ANKUB1: variants seen among roughly 807,000 people sequenced by gnomAD.
The protein encoded by ANKUB1 is protein ANKUB1.
In ANKUB1, 42 loss-of-function variants were observed where a neutral mutation model predicts 49.3. The observed-to-expected ratio is 0.85, with a 90% CI of 0.67 to 1.10. The LOEUF (loss-of-function observed/expected upper bound fraction) is 1.10, where lower values mean the gene tolerates loss of function less well. ANKUB1 is among the 50% of genes least tolerant of loss of function. The pLI, the probability that ANKUB1 is intolerant of heterozygous loss-of-function variation, is 0.00. For missense variants in ANKUB1, 613 were observed against 642.0 expected, an observed-to-expected ratio of 0.95 and a Z score of 0.49; for synonymous variants, 222 against 231.0, an observed-to-expected ratio of 0.96 and a Z score of 0.35.
At chr3:149,786,859 G>C (rs2108280580) in intron 2 of ANKUB1, among the ~76,000 whole-genome samples, 1 of 152,188 alleles carries the variant, frequency 6.6e-6, no homozygotes, top group African/African-American at 2.4e-5. Context: ...TTTTTGTCAG[G>C]TTTGTCAAAG....
chr3:149,761,733 G>T, intron 5 of ANKUB1, 120 bp from the exon 6 acceptor site: 2 of 1,064,246 alleles, frequency 1.9e-6, no homozygotes, highest in Non-Finnish European at 2.6e-6. Flanking sequence ...TTGTCACATA[G>T]GTAGATGTGA....
Position 149,767,691 on chromosome 3 carries a change from T to G in ANKUB1, c.971A>C (p.Gln324Pro), listed in dbSNP as rs1370101791. The G allele has an allele frequency of 6.4e-7, 1 of 1,551,768 alleles. No homozygotes were observed. Among genetic ancestry groups the G allele is most frequent in the Non-Finnish European group, 8.7e-7 (1 of 1,147,008 alleles). ...CTGGCTTTTATGAAGACTGTGACTC[T>G]GAGCTCTGAGGATCCATTGTTTTAT... Reference protein sequence around the residue: ...IKIKQWILRAQSHSLHKSQFC... With the variant: ...IKIKQWILRAPSHSLHKSQFC... The change falls in exon 5 of 6, where the codon CAG (glutamine) becomes CCG (proline). Residue 324 changes from glutamine to proline, a missense_variant. Physicochemically the swap from Gln to Pro is moderately conservative, Grantham distance 76. Coordinates refer to ENST00000446160, the MANE Select transcript of ANKUB1 (RefSeq NM_001144960.3).
chr3:149,784,422 G>A (rs1009302669), intron 2 of ANKUB1, among the ~76,000 whole-genome samples: 1 of 152,144 alleles, frequency 6.6e-6, no homozygotes, highest in Admixed American at 6.5e-5. Flanking sequence ...AGCCAATAAG[G>A]CAGAGAAGCA....
chr3:149,790,687 T>G, intron 2 of ANKUB1, 94 bp downstream of exon 2: 1 of 1,280,850 alleles, frequency 7.8e-7, no homozygotes, highest in Non-Finnish European at 1.1e-6. Flanking sequence ...AGACAATTTC[T>G]TTTTAAGTTA....
Position 149,787,335 on chromosome 3 carries a change from A to G in ANKUB1, c.234+3446T>C, listed in dbSNP as rs1718151717. On this transcript the variant is annotated intron_variant, in intron 2 of 5. Transcript: ENST00000446160. ...TAGGTATTTTATTCTCTTTGTAGCA[A>G]TTGTGAATGGGAATTCACTCATGAT... is the stretch of plus-strand genomic sequence containing the variant. 3.9e-5 allele frequency among the ~76,000 whole-genome samples: 6 copies of G among 152,190 alleles called. No homozygotes were observed. In the South Asian group the frequency reaches 1.2e-3, roughly 32 times the overall value.
intron 2 of ANKUB1, among the ~76,000 whole-genome samples, chr3:149,788,028 T>G (rs757259459): frequency 3.3e-5 from 5 of 152,234 alleles, no homozygotes; most frequent in African/African-American, 4.8e-5. Context: ...CTTCAGGGAT[T>G]CATTCCCTCC....
intron 1 of ANKUB1, among the ~76,000 whole-genome samples, chr3:149,791,256 T>C (rs1282637516): frequency 6.6e-6 from 1 of 152,196 alleles, no homozygotes; most frequent in Admixed American, 6.5e-5. Context: ...TCATATCACA[T>C]TATAGTTGTT....
At chr3:149,766,648 A>AG in intron 5 of ANKUB1, 1 of 509,526 alleles carries the variant, frequency 2.0e-6, no homozygotes, top group Non-Finnish European at 3.6e-6. Context: ...GAAAAAAAAA[A>AG]TCAATCAGAT....
In ANKUB1 at chr3:149,780,265, G is replaced by A; in HGVS notation, c.425C>T (p.Thr142Ile). Residue 142 changes from threonine to isoleucine, a missense_variant, in exon 3 of 6, where the codon ACC (threonine) becomes ATC (isoleucine). Thr to Ile is a moderately conservative substitution (Grantham distance 89). Coordinates refer to ENST00000446160, the MANE Select transcript of ANKUB1 (RefSeq NM_001144960.3). ...AATATCAGTCTGGTAGTCCTTGAGG[G>A]TGTTGCAATCATACATCTCCAGGCC... is the stretch of plus-strand genomic sequence containing the variant. ...PRGLEMYDCN[T>I]LKDYQTDIGT... 1.3e-6 allele frequency: 2 copies of A among 1,551,690 alleles called. No homozygotes were observed. The highest frequency in any genetic ancestry group is 2.4e-5 in the South Asian group (2 of 84,058).
chr3:149,782,006 A>G (rs1717891072), intron 2 of ANKUB1, among the ~76,000 whole-genome samples: 1 of 152,206 alleles, frequency 6.6e-6, no homozygotes, highest in Admixed American at 6.5e-5. Flanking sequence ...TGGTTCCATA[A>G]GGGAAGTATC....
chr3:149,771,892 C>A (rs1235335238), intron 3 of ANKUB1, among the ~76,000 whole-genome samples: 1 of 152,126 alleles, frequency 6.6e-6, no homozygotes, highest in Non-Finnish European at 1.5e-5. Context: ...TGCACTACAA[C>A]CCCATCATTC....
chr3:149,789,630 C>CTT lies in ANKUB1; in HGVS notation c.234+1149_234+1150dup, dbSNP rs35696242. On this transcript the variant is annotated intron_variant, in intron 2 of 5. Transcript: ENST00000446160. Reference sequence around the variant, plus strand: ...TTAATAATAAATATTGAAGAATATTCTTTTTTTTTTTTTTTCCGAGATGGG... The same window carrying CTT: ...TTAATAATAAATATTGAAGAATATTCTTTTTTTTTTTTTTTTTCCGAGATGGG... 3.0e-3 allele frequency among the ~76,000 whole-genome samples: 415 copies of CTT among 140,504 alleles called. 8 individuals are homozygous for CTT. The highest frequency in any genetic ancestry group is 0.019 in the East Asian group (92 of 4,826). 92.2% of individuals were successfully genotyped at this position (140,504 alleles called of 152,430 possible). A position where few individuals can be genotyped will look rare whatever the true frequency, so the allele number is the denominator to read the frequency against.
intron 2 of ANKUB1, among the ~76,000 whole-genome samples, chr3:149,787,414 G>T (rs1175723502): frequency 6.6e-6 from 1 of 152,176 alleles, no homozygotes; most frequent in African/African-American, 2.4e-5. Context: ...TTTGCACATT[G>T]ATTTTGTATC....
At chr3:149,763,771 C>A (rs770668575) in intron 5 of ANKUB1, among the ~76,000 whole-genome samples, 26 of 152,188 alleles carry the variant, frequency 1.7e-4, no homozygotes, top group Non-Finnish European at 3.1e-4. Flanking sequence ...TCTATGTGAC[C>A]TTCTGGCCTC....
chr3:149,775,788 G>A (rs1046752898), intron 3 of ANKUB1, among the ~76,000 whole-genome samples: 1 of 152,126 alleles, frequency 6.6e-6, no homozygotes, highest in Non-Finnish European at 1.5e-5. Flanking sequence ...AAGCAGATAA[G>A]CATGTGGATC....
At position 149,780,420 on chromosome 3, in the gene ANKUB1, A is replaced by G; in HGVS notation, c.270T>C (p.Ala90=). Residue 90 remains alanine (A), a synonymous_variant, in exon 3 of 6, where the codon GCT becomes GCC. Coordinates refer to ENST00000446160, the MANE Select transcript of ANKUB1 (RefSeq NM_001144960.3). ...EDKPTLYVFN[A]VTQDTMPVME... Reference sequence around the variant, plus strand: ...TTACTGGCATTGTGTCTTGAGTTACAGCATTGAACACGTATAGAGTAGGCT... The same window carrying G: ...TTACTGGCATTGTGTCTTGAGTTACGGCATTGAACACGTATAGAGTAGGCT... 1 of 1,552,194 alleles carries G rather than the reference A, an allele frequency of 6.4e-7. No individual in the cohort carries two copies. Among genetic ancestry groups the G allele is most frequent in the Non-Finnish European group, 8.7e-7 (1 of 1,147,026 alleles).
At chr3:149,781,390 A>G (rs994328560) in intron 2 of ANKUB1, among the ~76,000 whole-genome samples, 1 of 152,234 alleles carries the variant, frequency 6.6e-6, no homozygotes, top group Non-Finnish European at 1.5e-5. Flanking sequence ...TTCTCATGAA[A>G]AATGAAACTG....
At chr3:149,773,746 G>A (rs1717461731) in intron 3 of ANKUB1, among the ~76,000 whole-genome samples, 1 of 152,148 alleles carries the variant, frequency 6.6e-6, no homozygotes, top group Non-Finnish European at 1.5e-5. Context: ...GCAGTAGAAA[G>A]CTTTAGCCTG....
chr3:149,787,397 C>A (rs575863529), intron 2 of ANKUB1, among the ~76,000 whole-genome samples: 1 of 152,184 alleles, frequency 6.6e-6, no homozygotes, highest in Non-Finnish European at 1.5e-5. Flanking sequence ...TAGGAATACT[C>A]GTGATTTTTG....
Sources: gnomAD v4.1 joint callset for allele counts (sites outside exome capture counted in the v4.1 genomes callset) on GRCh38, gnomAD v4.1.1 for gene constraint, MANE v1.5 for transcripts, NCBI Gene and HGNC (gene_info 2026-07-23, HGNC 2026-07-21) for gene names.